The following DPP6 variants were observed in gnomAD, a reference collection of about 807,000 sequenced individuals.
The protein encoded by DPP6 is dipeptidyl peptidase like 6.
DPP6 carries 69 observed loss-of-function variants against 122.6 expected under a neutral mutation model. That is an observed-to-expected ratio of 0.56 (90% confidence interval 0.46 to 0.69). DPP6 has a LOEUF of 0.69. DPP6 is among the 30% of genes least tolerant of loss of function. The pLI is 0.00. For missense variants in DPP6, 928 were observed against 1,116.9 expected (o/e 0.83, Z 2.41); for synonymous variants, 418 against 433.1 (o/e 0.97, Z 0.43).
intron 1 of DPP6, among the ~76,000 whole-genome samples, chr7:154,205,784 ATT>A (rs749277828): frequency 2.6e-3 from 370 of 143,142 alleles, no homozygotes; most frequent in African/African-American, 0.01. Context: ...AAAAAAAAAA[ATT>A]AATTAATTAA....
intron 1 of DPP6, among the ~76,000 whole-genome samples, chr7:153,962,268 C>T (rs1229994129): frequency 1.3e-5 from 2 of 152,064 alleles, no homozygotes; most frequent in South Asian, 4.2e-4. Flanking sequence ...CTTTGTACTC[C>T]AATGGCCTAT....
chr7:154,401,768 GC>G (rs1815622574), intron 1 of DPP6, among the ~76,000 whole-genome samples: 1 of 152,170 alleles, frequency 6.6e-6, no homozygotes, highest in Admixed American at 6.5e-5. Flanking sequence ...AAACTAAAGA[GC>G]TTCTGCACAG....
intron 7 of DPP6, among the ~76,000 whole-genome samples, chr7:154,681,119 C>A (rs191279219): frequency 6.6e-6 from 1 of 152,160 alleles, no homozygotes; most frequent in African/African-American, 2.4e-5. Flanking sequence ...GGTAAGTGAG[C>A]CTTGAGACTC....
At chr7:154,521,025 T>C (rs971746279) in intron 3 of DPP6, among the ~76,000 whole-genome samples, 2 of 152,198 alleles carry the variant, frequency 1.3e-5, no homozygotes, top group African/African-American at 4.8e-5. Context: ...TTGTTATTGA[T>C]TTGCTCTAAG....
chr7:153,881,111 C>T, the DPP6 span, among the ~76,000 whole-genome samples: 1 of 152,212 alleles, frequency 6.6e-6, no homozygotes, highest in Admixed American at 6.5e-5. Context: ...AATATCCTCT[C>T]ATTTATTGCT....
chr7:153,883,976 GTTAT>G (rs1005734763), upstream of DPP6, among the ~76,000 whole-genome samples: 10 of 152,106 alleles, frequency 6.6e-5, no homozygotes, highest in South Asian at 1.9e-3. Flanking sequence ...TGCTAATAGG[GTTAT>G]TTGTTTCTTT....
intron 1 of DPP6, among the ~76,000 whole-genome samples, chr7:154,129,409 A>T (rs1235217602): frequency 6.6e-6 from 1 of 152,200 alleles, no homozygotes; most frequent in Non-Finnish European, 1.5e-5. Flanking sequence ...CTAAGCAGAA[A>T]GCGACAGGGG....
chr7:154,849,297 T>C (rs1802192794), intron 16 of DPP6, among the ~76,000 whole-genome samples: 1 of 152,258 alleles, frequency 6.6e-6, no homozygotes, highest in Non-Finnish European at 1.5e-5. Flanking sequence ...TATTAGTTCT[T>C]CCAATCCATG....
intron 10 of DPP6, 113 bp from the exon 11 acceptor site, chr7:154,793,966 C>A: frequency 6.8e-7 from 1 of 1,461,792 alleles, no homozygotes; most frequent in Non-Finnish European, 9.1e-7. Context: ...TGTGTCACCA[C>A]TGGCTCCGGC....
chr7:154,478,218 A>G (rs1286180090), intron 3 of DPP6, among the ~76,000 whole-genome samples: 3 of 152,200 alleles, frequency 2.0e-5, no homozygotes, highest in African/African-American at 7.2e-5. Context: ...CCATAGGATT[A>G]TCTCATGTTG....
the DPP6 span, among the ~76,000 whole-genome samples, chr7:153,776,762 G>C: frequency 6.6e-6 from 1 of 152,124 alleles, no homozygotes. Context: ...CCCACCCATA[G>C]AAATACTAAT....
At chr7:154,539,055 A>G (rs1828496418) in intron 3 of DPP6, among the ~76,000 whole-genome samples, 1 of 152,246 alleles carries the variant, frequency 6.6e-6, no homozygotes, top group Non-Finnish European at 1.5e-5. Flanking sequence ...TACTTAAATT[A>G]TAACAACTCT....
intron 8 of DPP6, among the ~76,000 whole-genome samples, chr7:154,757,007 G>A (rs1399969323): frequency 6.7e-6 from 1 of 149,582 alleles, no homozygotes; most frequent in South Asian, 2.2e-4. Flanking sequence ...CTGAGGAACA[G>A]GCCAGCCCCT....
chr7:154,799,603 A>G (rs1290679372), intron 12 of DPP6, among the ~76,000 whole-genome samples: 1 of 152,212 alleles, frequency 6.6e-6, no homozygotes, highest in Non-Finnish European at 1.5e-5. Flanking sequence ...GGGTTGGACA[A>G]AATTATTATA....
chr7:154,668,779 T>G (rs1838360703), intron 6 of DPP6, among the ~76,000 whole-genome samples: 1 of 152,210 alleles, frequency 6.6e-6, no homozygotes, highest in Non-Finnish European at 1.5e-5. Flanking sequence ...AGGTTTTTGT[T>G]GTGGTGGTAT....
the DPP6 span, among the ~76,000 whole-genome samples, chr7:153,790,152 A>G: frequency 1.3e-5 from 2 of 152,144 alleles, no homozygotes; most frequent in African/African-American, 4.8e-5. Flanking sequence ...GACTGAAAAT[A>G]TGTTTGCTCT....
At chr7:153,953,255 A>G (rs1354861239) in intron 1 of DPP6, among the ~76,000 whole-genome samples, 2 of 152,166 alleles carry the variant, frequency 1.3e-5, no homozygotes, top group African/African-American at 4.8e-5. Context: ...CCTCAACACC[A>G]CAAGAATTAA....
At chr7:154,638,644 G>A (rs1835877743) in intron 6 of DPP6, among the ~76,000 whole-genome samples, 1 of 146,824 alleles carries the variant, frequency 6.8e-6, no homozygotes, top group Non-Finnish European at 1.5e-5. Context: ...ACGACCCTCA[G>A]ATGCCTGATC....
At chr7:154,580,525 C>T (rs1273328911) in intron 5 of DPP6, among the ~76,000 whole-genome samples, 1 of 152,144 alleles carries the variant, frequency 6.6e-6, no homozygotes, top group Non-Finnish European at 1.5e-5. Flanking sequence ...TCCAGCGCTG[C>T]CGTTAGAGCC....
Sources: allele counts gnomAD v4.1 joint callset (sites outside exome capture counted in the v4.1 genomes callset), GRCh38; gene constraint gnomAD v4.1.1; transcripts MANE v1.5; gene names NCBI Gene and HGNC (gene_info 2026-07-23, HGNC 2026-07-21).